Variants in RAD50 observed in about 807,000 individuals in gnomAD.
RAD50 encodes the protein RAD50 double strand break repair protein, also known as DNA repair protein RAD50.
A neutral mutation model predicts 168.8 loss-of-function variants in RAD50; 132 were observed. That is an observed-to-expected ratio of 0.78 (90% CI 0.68 to 0.90). RAD50 has a LOEUF of 0.90. Among genes scored for constraint, RAD50 ranks in the 40% least tolerant of loss-of-function variants. RAD50 has a pLI of 0.00. For missense variants in RAD50, 1,347 were observed against 1,534.4 expected (o/e 0.88, Z 2.04); for synonymous variants, 525 against 497.4 (o/e 1.06, Z -0.74).
intron 21 of RAD50, among the ~76,000 whole-genome samples, chr5:132,620,494 A>G (rs982042038): frequency 6.6e-6 from 1 of 152,128 alleles, no homozygotes; most frequent in Admixed American, 6.5e-5. Flanking sequence ...TTCTTTATCC[A>G]GTGTATGTCT....
rs144535646 is a variant in RAD50, at chr5:132,558,418, A to G, written c.130-866A>G. On this transcript the variant is annotated intron_variant, in intron 1 of 24. Transcript: ENST00000378823. ...CTCATTTATAAAATGGAGATTAAAA[A>G]TAGTTTCTACAGCTGGGCACGGTGG... 1.9e-3 allele frequency among the ~76,000 whole-genome samples: 295 copies of G among 152,258 alleles called. 2 individuals are homozygous for G. Among genetic ancestry groups the G allele is most frequent in the African/African-American group, 6.9e-3 (286 of 41,556 alleles).
Position 132,604,897 on chromosome 5 carries a change from T to C in RAD50, c.2616T>C (p.Ser872=). The change falls in exon 16 of 25, where the codon TCT becomes TCC. Residue 872 remains serine (S), a synonymous_variant. Coordinates refer to ENST00000378823, the MANE Select transcript of RAD50 (RefSeq NM_005732.4). ...AAAGTACAACAAATGAGCTAAAATC[T>C]GAGAAACTTCAGATATCCACTAATT... is the stretch of plus-strand genomic sequence containing the variant. ...HLKSTTNELK[S]EKLQISTNLQ... 6.2e-7 allele frequency: 1 copy of C among 1,613,788 alleles called. No homozygotes were observed. Among genetic ancestry groups the C allele is most frequent in the Non-Finnish European group, 8.5e-7 (1 of 1,179,708 alleles).
In RAD50 at chr5:132,575,830, C is replaced by T. The variant is rs1554097572; in HGVS notation, c.267C>T (p.Val89=). Reference sequence around the variant, plus strand: ...AGATTCGTCTGCAATTTCGTGATGTCAATGGAGAACTTATAGCTGTGCAAA... The same window carrying T: ...AGATTCGTCTGCAATTTCGTGATGTTAATGGAGAACTTATAGCTGTGCAAA... ...RAQIRLQFRD[V]NGELIAVQRS... The change falls in exon 3 of 25, where the codon GTC becomes GTT. Residue 89 remains valine, a synonymous_variant. Coordinates refer to ENST00000378823, the MANE Select transcript of RAD50 (RefSeq NM_005732.4). The T allele has an allele frequency of 6.2e-7, 1 of 1,601,858 alleles. No individual in the cohort carries two copies. Among genetic ancestry groups the T allele is most frequent in the Non-Finnish European group, 8.6e-7 (1 of 1,169,048 alleles).
chr5:132,617,940 G>A (rs761761818), intron 20 of RAD50, 130 bp from the exon 21 acceptor site: 4 of 799,564 alleles, frequency 5.0e-6, no homozygotes, highest in Admixed American at 4.6e-5. Flanking sequence ...AGCAAGGAGA[G>A]ACTCTGTTAT....
At chr5:132,621,044 A>C (rs1751275452) in intron 21 of RAD50, among the ~76,000 whole-genome samples, 1 of 152,210 alleles carries the variant, frequency 6.6e-6, no homozygotes, top group Non-Finnish European at 1.5e-5. Flanking sequence ...ACATGGTTCA[A>C]ACCTGTGTTC....
chr5:132,636,676 T>C (rs1370794155), intron 21 of RAD50, among the ~76,000 whole-genome samples: 2 of 152,184 alleles, frequency 1.3e-5, no homozygotes, highest in Non-Finnish European at 2.9e-5. Flanking sequence ...TGGCTAACCG[T>C]AAACCTTCTA....
At chr5:132,604,099 C>T in intron 15 of RAD50, 53 bp downstream of exon 15, 4 of 1,599,394 alleles carry the variant, frequency 2.5e-6, no homozygotes, top group Non-Finnish European at 3.4e-6. Flanking sequence ...ATTGCGAGCA[C>T]ATGCCTTTTA....
chr5:132,561,454 A>G (rs1750122254), intron 2 of RAD50, among the ~76,000 whole-genome samples: 1 of 151,442 alleles, frequency 6.6e-6, no homozygotes, highest in African/African-American at 2.4e-5. Flanking sequence ...CAGTCTCCCA[A>G]AGTGCTGGGA....
intron 19 of RAD50, 51 bp downstream of exon 19, chr5:132,609,447 A>G (rs751610415): frequency 1.2e-5 from 19 of 1,601,070 alleles, no homozygotes; most frequent in Middle Eastern, 3.3e-4. Flanking sequence ...ATTCTTTTCT[A>G]TAGTTTTATT....
intron 5 of RAD50, among the ~76,000 whole-genome samples, chr5:132,585,159 G>A (rs1019980615): frequency 2.0e-5 from 3 of 152,142 alleles, no homozygotes; most frequent in Admixed American, 2.0e-4. Context: ...ATAAACTTCT[G>A]TATACAGGTC....
Position 132,596,106 on chromosome 5 carries a change from G to A in RAD50, c.2207+296G>A, listed in dbSNP as rs115976537. On this transcript the variant is annotated intron_variant, in intron 13 of 24. Coordinates refer to ENST00000378823, the MANE Select transcript of RAD50 (RefSeq NM_005732.4). Reference sequence around the variant, plus strand: ...TCCACCTCCCAGAAGCGATTCCCATGCCTCAGCCTCTTCAGTAGCTGGGAT... The same window carrying A: ...TCCACCTCCCAGAAGCGATTCCCATACCTCAGCCTCTTCAGTAGCTGGGAT... Among the ~76,000 whole-genome samples the A allele has an allele frequency of 0.019, 2,960 of 151,800 alleles. 46 individuals carry two copies. The highest frequency in any genetic ancestry group is 0.032 in the Non-Finnish European group (2,199 of 67,948).
At chr5:132,605,340 G>A (rs191035402) in intron 16 of RAD50, among the ~76,000 whole-genome samples, 66 of 152,092 alleles carry the variant, frequency 4.3e-4, no homozygotes, top group African/African-American at 1.6e-3. Context: ...AGCATGCCCC[G>A]CCCCATTCTT....
intron 5 of RAD50, among the ~76,000 whole-genome samples, chr5:132,582,191 G>A (rs1042018779): frequency 6.6e-6 from 1 of 152,166 alleles, no homozygotes; most frequent in Non-Finnish European, 1.5e-5. Context: ...GTCAAGGTAG[G>A]GCTAAATGAT....
Position 132,640,759 on chromosome 5 carries a change from A to G in RAD50, c.3706A>G (p.Asn1236Asp), listed in dbSNP as rs876660644. Residue 1236 changes from asparagine (N) to aspartate (D), a missense_variant, in exon 24 of 25, where the codon AAT becomes GAT. Asn to Asp is a conservative substitution (Grantham distance 23). Around this residue, in one of 3 missense-constraint regions of RAD50, gnomAD observed 635 missense variants for 739.2 expected, o/e 0.86. Coordinates refer to ENST00000378823, the MANE Select transcript of RAD50 (RefSeq NM_005732.4). ...CATTGCCTTGGATGAGCCAACAACA[A>G]ATCTTGACCGAGAAAACATTGAATC... The part of the protein sequence containing the change: ...GIIALDEPTT[N>D]LDRENIESLA... 1 of 1,614,196 alleles carries G rather than the reference A, an allele frequency of 6.2e-7. No individual in the cohort carries two copies. The highest frequency in any genetic ancestry group is 8.5e-7 in the Non-Finnish European group (1 of 1,180,036).
At chr5:132,557,741 C>T (rs1750032795) in intron 1 of RAD50, among the ~76,000 whole-genome samples, 1 of 152,204 alleles carries the variant, frequency 6.6e-6, no homozygotes, top group African/African-American at 2.4e-5. Flanking sequence ...ACTGGATGCC[C>T]TTTGGTCTGT....
chr5:132,579,251 A>C, intron 3 of RAD50, 66 bp from the exon 4 acceptor site: 1 of 1,502,534 alleles, frequency 6.7e-7, no homozygotes, highest in Non-Finnish European at 9.2e-7. Flanking sequence ...GTATGAATTG[A>C]TTAAGCAATA....
At chr5:132,565,714 C>A (rs1750196398) in intron 2 of RAD50, among the ~76,000 whole-genome samples, 1 of 152,150 alleles carries the variant, frequency 6.6e-6, no homozygotes, top group Admixed American at 6.5e-5. Flanking sequence ...GATCTGACTT[C>A]CCCCTAGCCG....
chr5:132,604,530 G>A (rs1224185848), intron 15 of RAD50, among the ~76,000 whole-genome samples: 3 of 152,106 alleles, frequency 2.0e-5, no homozygotes, highest in Admixed American at 6.5e-5. Context: ...GTCTCCCAAA[G>A]TGCTGGGATT....
chr5:132,595,685 A>T lies in RAD50; in HGVS notation c.2082A>T (p.Leu694Phe). 3 of 1,614,024 alleles carry T rather than the reference A, an allele frequency of 1.9e-6. No homozygotes were observed. Among genetic ancestry groups the T allele is most frequent in the Non-Finnish European group, 2.5e-6 (3 of 1,179,830 alleles). ...GAGTTTTTCAGACAGAGGCTGAGTT[A>T]CAAGAAGTCATCAGTGATTTGCAGT... ...CQRVFQTEAELQEVISDLQSK... is the reference protein window; with the variant it reads ...CQRVFQTEAEFQEVISDLQSK... Residue 694 changes from leucine (L) to phenylalanine (F), a missense_variant, in exon 13 of 25, where the codon TTA (leucine) becomes TTT (phenylalanine). Leu to Phe is a conservative substitution (Grantham distance 22, BLOSUM62 0). Coordinates refer to ENST00000378823, the MANE Select transcript of RAD50 (RefSeq NM_005732.4).
Sources: gnomAD v4.1 joint callset for allele counts (sites outside exome capture counted in the v4.1 genomes callset) on GRCh38, gnomAD v4.1.1 for gene constraint, gnomAD v4.1.1 regional missense constraint, MANE v1.5 for transcripts, NCBI Gene and HGNC (gene_info 2026-07-23, HGNC 2026-07-21) for gene names.